SH3YL1: variants seen among roughly 807,000 people sequenced by gnomAD.
SH3YL1 encodes SH3 domain-containing YSC84-like protein 1.
SH3YL1 carries 41 observed loss-of-function variants against 45.8 expected under a neutral mutation model. That is an observed-to-expected ratio of 0.89 (90% CI 0.70 to 1.16). SH3YL1 has a LOEUF of 1.16. Among genes scored for constraint, SH3YL1 ranks in the 50% most tolerant of loss-of-function variants. The pLI is 0.00. For synonymous variants in SH3YL1, 152 were observed against 151.4 expected (o/e 1.00, Z -0.03); for missense variants, 389 against 409.6 (o/e 0.95, Z 0.43).
chr2:254,903 A>C (rs181559911), intron 1 of SH3YL1, among the ~76,000 whole-genome samples: 9 of 152,206 alleles, frequency 5.9e-5, no homozygotes, highest in Non-Finnish European at 7.3e-5. Flanking sequence ...CTAATCAGAC[A>C]CTCAAAAGAA....
intron 1 of SH3YL1, chr2:255,871 A>G (rs189759100): frequency 1.3e-4 from 20 of 152,354 alleles, no homozygotes; most frequent in African/African-American, 4.8e-4. Context: ...GCATCACAGC[A>G]TTAGTGTATT....
In SH3YL1 at chr2:247,607, T is replaced by C. The variant is rs1668883145; in HGVS notation, c.227-5A>G. The C allele has an allele frequency of 6.5e-7, 1 of 1,548,028 alleles. No homozygotes were observed. Among genetic ancestry groups the C allele is most frequent in the Non-Finnish European group, 8.7e-7 (1 of 1,145,872 alleles). ...TGGCTGAGGGTGCAGACCATTCTAATAAAAAAACAAACGAACGTTATCCTA... is the reference window on the plus strand; with the variant it reads ...TGGCTGAGGGTGCAGACCATTCTAACAAAAAAACAAACGAACGTTATCCTA... On this transcript the variant is annotated splice_polypyrimidine_tract_variant and splice_region_variant and intron_variant, in intron 3 of 9. Transcript: ENST00000356150.
intron 1 of SH3YL1, among the ~76,000 whole-genome samples, chr2:255,000 T>C (rs1316629647): frequency 6.6e-6 from 1 of 152,222 alleles, no homozygotes; most frequent in South Asian, 2.1e-4. Context: ...TAATCAATCT[T>C]ACATATATTG....
intron 4 of SH3YL1, chr2:242,005 A>G (rs1350909856): frequency 6.6e-6 from 1 of 152,248 alleles, no homozygotes; most frequent in African/African-American, 2.4e-5. Flanking sequence ...AACCATAAAT[A>G]ATAGTATAAA....
At chr2:254,407 G>C (rs1044994432) in intron 1 of SH3YL1, among the ~76,000 whole-genome samples, 1 of 152,184 alleles carries the variant, frequency 6.6e-6, no homozygotes, top group Non-Finnish European at 1.5e-5. Flanking sequence ...AAGCTGAATA[G>C]CTTCAGTGTA....
At chr2:245,765 G>A (rs997485360) in intron 4 of SH3YL1, among the ~76,000 whole-genome samples, 1 of 152,062 alleles carries the variant, frequency 6.6e-6, no homozygotes, top group Non-Finnish European at 1.5e-5. Flanking sequence ...CATGGCCCAG[G>A]ATGGTCTTAT....
intron 1 of SH3YL1, among the ~76,000 whole-genome samples, chr2:257,822 T>G (rs1340696389): frequency 1.3e-5 from 2 of 152,226 alleles, no homozygotes; most frequent in African/African-American, 4.8e-5. Context: ...CTTGAATTGT[T>G]TTTTTGCATA....
chr2:249,207 A>C (rs1345940635), intron 3 of SH3YL1, among the ~76,000 whole-genome samples: 2 of 152,214 alleles, frequency 1.3e-5, no homozygotes, highest in African/African-American at 4.8e-5. Flanking sequence ...TCTCTAAAGA[A>C]TCAAGTAGTA....
Position 233,166 on chromosome 2 carries a change from C to A in SH3YL1, c.468G>T (p.Arg156Ser). 1 of 1,597,784 alleles carries A rather than the reference C, an allele frequency of 6.3e-7. No individual in the cohort carries two copies. The highest frequency in any genetic ancestry group is 8.5e-7 in the Non-Finnish European group (1 of 1,170,536). Residue 156 changes from arginine (R) to serine (S), a missense_variant, in exon 6 of 10, where the codon AGG becomes AGT. Physicochemically the swap from Arg to Ser is moderately radical, Grantham distance 110 (BLOSUM62 -1). Transcript: ENST00000356150. ...CTAAAGACACGCCTGCAAAGAGTCCCCTTGACTTGCAGTACGTGAAGACGG... is the reference window on the plus strand; with the variant it reads ...CTAAAGACACGCCTGCAAAGAGTCCACTTGACTTGCAGTACGTGAAGACGG... Reference protein sequence around the residue: ...SAAVFTYCKSRGLFAGVSLEG... With the variant: ...SAAVFTYCKSSGLFAGVSLEG...
At chr2:257,239 G>C (rs1669378524) in intron 1 of SH3YL1, among the ~76,000 whole-genome samples, 1 of 152,040 alleles carries the variant, frequency 6.6e-6, no homozygotes, top group African/African-American at 2.4e-5. Flanking sequence ...AGTTTAAGTA[G>C]GTCCCATTTG....
At chr2:228,821 G>C (rs969006350) in intron 8 of SH3YL1, among the ~76,000 whole-genome samples, 2 of 152,190 alleles carry the variant, frequency 1.3e-5, no homozygotes, top group African/African-American at 2.4e-5. Flanking sequence ...GCACAGCCAA[G>C]AATCATATGA....
chr2:233,252 T>C, intron 5 of SH3YL1, 23 bp from the exon 6 acceptor site: 1 of 1,539,912 alleles, frequency 6.5e-7, no homozygotes, highest in Non-Finnish European at 8.8e-7. Context: ...AGATTTTGCA[T>C]CACAAAGCTG....
chr2:233,678 T>C (rs1174163353), intron 5 of SH3YL1, among the ~76,000 whole-genome samples: 1 of 152,210 alleles, frequency 6.6e-6, no homozygotes, highest in African/African-American at 2.4e-5. Flanking sequence ...ATAGTGTGGG[T>C]ATAAAATATC....
At chr2:244,116 C>T (rs950805305) in intron 4 of SH3YL1, among the ~76,000 whole-genome samples, 2 of 151,986 alleles carry the variant, frequency 1.3e-5, no homozygotes, top group African/African-American at 4.8e-5. Context: ...CCTGGCTTAG[C>T]TATTTTACGG....
chr2:252,005 G>A (rs977677686), intron 2 of SH3YL1, among the ~76,000 whole-genome samples: 4 of 152,176 alleles, frequency 2.6e-5, no homozygotes, highest in African/African-American at 9.7e-5. Context: ...AGTATGCTAT[G>A]AACACCCTTT....
chr2:258,320 G>C (rs1256221566), intron 1 of SH3YL1, among the ~76,000 whole-genome samples: 1 of 152,096 alleles, frequency 6.6e-6, no homozygotes, highest in Non-Finnish European at 1.5e-5. Flanking sequence ...TGCCATCTCT[G>C]ATTTCTTTCA....
chr2:225,514 C>T (rs1005432560), intron 8 of SH3YL1, among the ~76,000 whole-genome samples: 1 of 152,218 alleles, frequency 6.6e-6, no homozygotes, highest in Non-Finnish European at 1.5e-5. Flanking sequence ...TGCCCACACC[C>T]CCTTTTGCAG....
At position 224,908 on chromosome 2, in the gene SH3YL1, T is replaced by C; in HGVS notation, c.794A>G (p.Glu265Gly). 1 of 1,611,408 alleles carries C rather than the reference T, an allele frequency of 6.2e-7. No individual in the cohort carries two copies. The highest frequency in any genetic ancestry group is 8.5e-7 in the Non-Finnish European group (1 of 1,177,552). Residue 265 changes from glutamate (E) to glycine (G), a missense_variant, in exon 9 of 10, where the codon GAA (glutamate) becomes GGA (glycine). Transcript: ENST00000356150. ...GGAAAGTCCAGGATAGAGCTTATAT[T>C]CATTTCTGTTACCTGCCAAAAAAGA... ...LNSGSQSNRN[E>G]YKLYPGLSSY...
At chr2:239,818 G>C (rs1668464881) in intron 4 of SH3YL1, 1 of 152,186 alleles carries the variant, frequency 6.6e-6, no homozygotes, top group Non-Finnish European at 1.5e-5. Context: ...TGTCCTAAGG[G>C]CATATGGCAA....
Sources: allele counts gnomAD v4.1 joint callset (sites outside exome capture counted in the v4.1 genomes callset), GRCh38; gene constraint gnomAD v4.1.1; transcripts MANE v1.5; gene names NCBI Gene and HGNC (gene_info 2026-07-23, HGNC 2026-07-21).